C17orf67: variants seen among roughly 807,000 people sequenced by gnomAD.
The protein encoded by C17orf67 is uncharacterized protein C17orf67.
In C17orf67, 12 loss-of-function variants were observed where a neutral mutation model predicts 11.2. The observed-to-expected ratio is 1.07, with a 90% CI of 0.68 to 1.73. C17orf67 has a LOEUF of 1.73. Ranked by LOEUF, C17orf67 falls within the 40% of genes most tolerant of loss-of-function variation. The probability of loss-of-function intolerance (pLI) is 0.00; values close to 1 mark genes in which losing one functional copy is unlikely to be tolerated. For missense variants in C17orf67, 115 were observed against 113.5 expected, an observed-to-expected ratio of 1.01 and a Z score of -0.06; for synonymous variants, 59 against 46.9, an observed-to-expected ratio of 1.26 and a Z score of -1.05.
At chr17:56,831,726 G>A (rs1014697622) in intron 2 of C17orf67, among the ~76,000 whole-genome samples, 1 of 152,108 alleles carries the variant, frequency 6.6e-6, no homozygotes, top group Non-Finnish European at 1.5e-5. Context: ...TGCAGAATCC[G>A]TATAAGACAG....
intron 6 of C17orf67, 40 bp downstream of exon 6, chr17:56,814,829 G>T: frequency 1.9e-6 from 3 of 1,577,056 alleles, no homozygotes; most frequent in South Asian, 2.2e-5. Flanking sequence ...GCATTCAAAT[G>T]ATCACATTTT....
At chr17:56,808,506 C>T (rs968201168) in intron 6 of C17orf67, among the ~76,000 whole-genome samples, 2 of 152,204 alleles carry the variant, frequency 1.3e-5, no homozygotes, top group African/African-American at 2.4e-5. Context: ...TGATCTCCCT[C>T]TCCATCCCCT....
At chr17:56,812,919 T>C (rs1905665705) in intron 6 of C17orf67, among the ~76,000 whole-genome samples, 1 of 152,180 alleles carries the variant, frequency 6.6e-6, no homozygotes, top group South Asian at 2.1e-4. Flanking sequence ...AACAACGGGC[T>C]GCAGCAATTC....
intron 4 of C17orf67, among the ~76,000 whole-genome samples, chr17:56,818,164 A>AG (rs200757029): frequency 0.12 from 18,034 of 152,020 alleles, 1,165 homozygotes; most frequent in South Asian, 0.16. Flanking sequence ...TTTAAAAAAA[A>AG]AAAAAAGAAA....
chr17:56,815,069 T>A, intron 5 of C17orf67, 100 bp from the exon 6 acceptor site: 1 of 1,031,178 alleles, frequency 9.7e-7, no homozygotes, highest in Non-Finnish European at 1.5e-6. Context: ...CAATTTTGGT[T>A]AAAACATGAA....
intron 2 of C17orf67, among the ~76,000 whole-genome samples, chr17:56,827,283 CCTCT>C (rs892614700): frequency 1.2e-4 from 18 of 152,168 alleles, no homozygotes; most frequent in African/African-American, 3.1e-4. Context: ...CAAATTTCTC[CCTCT>C]AAGTGATCAT....
At chr17:56,820,275 A>T (rs988807232) in intron 4 of C17orf67, among the ~76,000 whole-genome samples, 2 of 152,320 alleles carry the variant, frequency 1.3e-5, no homozygotes, top group Non-Finnish European at 2.9e-5. Context: ...CTATACATGT[A>T]TTTAAGAAAG....
chr17:56,815,857 G>C lies in C17orf67; in HGVS notation c.-47C>G. The stretch of plus-strand genomic sequence containing the variant: ...CTTGCTGAGTGAATCCTCCCAGACT[G>C]AGTCAGCCAACTTGAAGGAAGCCAT... On this transcript the variant is annotated 5_prime_UTR_variant, in exon 5 of 8. The change creates a premature stop within an existing upstream ORF in the 5' untranslated region. Transcript: ENST00000397861. 6.2e-7 allele frequency: 1 copy of C among 1,612,392 alleles called. No homozygotes were observed. Among genetic ancestry groups the C allele is most frequent in the Non-Finnish European group, 8.5e-7 (1 of 1,179,064 alleles).
chr17:56,823,033 T>C (rs1905942666), intron 4 of C17orf67, among the ~76,000 whole-genome samples: 1 of 152,200 alleles, frequency 6.6e-6, no homozygotes, highest in Admixed American at 6.5e-5. Flanking sequence ...CAGGCTTCTC[T>C]CCAACTTAAA....
chr17:56,808,225 T>C (rs372281274), intron 6 of C17orf67, among the ~76,000 whole-genome samples: 57 of 152,326 alleles, frequency 3.7e-4, no homozygotes, highest in African/African-American at 1.4e-3. Context: ...AAGGAACTAC[T>C]AACACAAAGT....
chr17:56,817,620 AT>A (rs1322490688), intron 4 of C17orf67, among the ~76,000 whole-genome samples: 1 of 151,510 alleles, frequency 6.6e-6, no homozygotes, highest in South Asian at 2.1e-4. Context: ...TGCCCAGCTG[AT>A]TTTTTTTCTT....
At chr17:56,795,755 A>G (rs189286079) in intron 6 of C17orf67, among the ~76,000 whole-genome samples, 1 of 152,368 alleles carries the variant, frequency 6.6e-6, no homozygotes, top group African/African-American at 2.4e-5. Context: ...CATGCCAAAT[A>G]GCCACTTACA....
At chr17:56,803,504 AC>A (rs1344115300) in intron 6 of C17orf67, among the ~76,000 whole-genome samples, 2 of 152,168 alleles carry the variant, frequency 1.3e-5, no homozygotes, top group African/African-American at 4.8e-5. Flanking sequence ...CCAAATATCC[AC>A]CCAGTTTTTT....
chr17:56,831,741 C>T (rs913534145), intron 2 of C17orf67, among the ~76,000 whole-genome samples: 5 of 152,084 alleles, frequency 3.3e-5, no homozygotes. Flanking sequence ...AGACAGCCTC[C>T]ACCAAACACG....
In C17orf67 at chr17:56,803,471, C is replaced by G. The variant is rs369315479; in HGVS notation, c.157-8291G>C. The stretch of plus-strand genomic sequence containing the variant: ...TTATATACTCATTTGCATCTTTACT[C>G]ATTTAATCTCTGTCCCTCTCAGCCA... On this transcript the variant is annotated intron_variant, in intron 6 of 7. Coordinates refer to ENST00000397861, the MANE Select transcript of C17orf67 (RefSeq NM_001085430.4). 2.4e-4 allele frequency among the ~76,000 whole-genome samples: 36 copies of G among 152,358 alleles called. No homozygotes were observed. The South Asian group carries it at 7.5e-3, about 32-fold the overall frequency.
At position 56,828,107 on chromosome 17, in the gene C17orf67, C is replaced by CAA. The variant is rs11379714; in HGVS notation, c.-556-2788_-556-2787dup. Among the ~76,000 whole-genome samples, 557 of 109,200 alleles carry CAA rather than the reference C, an allele frequency of 5.1e-3. 8 individuals carry two copies. The highest frequency in any genetic ancestry group is 0.014 in the African/African-American group (403 of 28,684). The allele number at this position is 109,200 out of a possible 152,430, so 71.6% of individuals were successfully genotyped here. A position where few individuals can be genotyped will look rare whatever the true frequency, so the allele number is the denominator to read the frequency against. ...CTGGCGACAGAACAAGACTCAGTCT[C>CAA]AAAAAAAAAAAAAAAAAGCCAGGCA... On this transcript the variant is annotated intron_variant, in intron 2 of 7. Transcript: ENST00000397861.
chr17:56,811,074 T>C (rs1268142926), intron 6 of C17orf67, among the ~76,000 whole-genome samples: 1 of 152,170 alleles, frequency 6.6e-6, no homozygotes, highest in Non-Finnish European at 1.5e-5. Context: ...CAGAATAAAC[T>C]GCCTGACTCC....
rs1039370094 is a variant in C17orf67 at position 56,814,964 on chromosome 17, A to C, written c.61T>G (p.Ser21Ala). 1 of 1,613,880 alleles carries C rather than the reference A, an allele frequency of 6.2e-7. No homozygotes were observed. ...GCCTGCTTCTCTGTCAAAATCGGGG[A>C]GGTCTCTGGAAAAGTCGGGAAGGTG... is the stretch of plus-strand genomic sequence containing the variant. ...LTLLTVFSETSPILTEKQAKQ... is the reference protein window; with the variant it reads ...LTLLTVFSETAPILTEKQAKQ... The change falls in exon 6 of 8, where the codon TCC (serine) becomes GCC (alanine). Residue 21 changes from serine (S) to alanine (A), a missense_variant. Ser to Ala is a moderately conservative substitution (Grantham distance 99, BLOSUM62 1). Transcript: ENST00000397861.
intron 2 of C17orf67, among the ~76,000 whole-genome samples, chr17:56,829,649 T>C (rs753321132): frequency 1.3e-5 from 2 of 152,206 alleles, no homozygotes; most frequent in African/African-American, 4.8e-5. Context: ...CCTTTTTGTG[T>C]TGAAGTTTCC....
Sources: gnomAD v4.1 joint callset for allele counts (sites outside exome capture counted in the v4.1 genomes callset) on GRCh38, gnomAD v4.1.1 for gene constraint, MANE v1.5 for transcripts, NCBI Gene and HGNC (gene_info 2026-07-23, HGNC 2026-07-21) for gene names.